LAPTM4B: variants seen among roughly 807,000 people sequenced by gnomAD.
LAPTM4B encodes lysosomal protein transmembrane 4 beta, also known as lysosomal-associated transmembrane protein 4B.
A neutral mutation model predicts 28.5 loss-of-function variants in LAPTM4B; 26 were observed. The observed-to-expected ratio is 0.91, with a 90% CI of 0.67 to 1.27. LAPTM4B has a LOEUF of 1.27. LAPTM4B is among the 50% of genes most tolerant of loss of function. The probability of loss-of-function intolerance (pLI) is 0.00; values close to 1 mark genes in which losing one functional copy is unlikely to be tolerated. For missense variants in LAPTM4B, 288 were observed against 285.8 expected (o/e 1.01, Z -0.06); for synonymous variants, 109 against 106.4 (o/e 1.02, Z -0.15).
intron 2 of LAPTM4B, among the ~76,000 whole-genome samples, chr8:97,808,350 G>A (rs2129776862): frequency 6.6e-6 from 1 of 152,148 alleles, no homozygotes; most frequent in South Asian, 2.1e-4. Flanking sequence ...AGGAGGCTGA[G>A]GCAGGAGAAT....
chr8:97,850,013 C>T (rs72673498), intron 6 of LAPTM4B, among the ~76,000 whole-genome samples: 33,086 of 151,624 alleles, frequency 0.22, 4,062 homozygotes, highest in Middle Eastern at 0.27. Context: ...AGCGGGAAGC[C>T]TCTCCACTGT....
At chr8:97,804,010 A>ATCT in intron 1 of LAPTM4B, among the ~76,000 whole-genome samples, 1 of 152,248 alleles carries the variant, frequency 6.6e-6, no homozygotes, top group East Asian at 1.9e-4. Context: ...TTCTCTGTGT[A>ATCT]TCTTCACTCC....
chr8:97,848,899 A>G (rs1331141058), intron 6 of LAPTM4B, among the ~76,000 whole-genome samples: 1 of 152,180 alleles, frequency 6.6e-6, no homozygotes, highest in Non-Finnish European at 1.5e-5. Flanking sequence ...CGCAGAGAAG[A>G]CAGCTGTTGC....
At chr8:97,836,926 T>C (rs1817268029) in intron 6 of LAPTM4B, among the ~76,000 whole-genome samples, 1 of 151,584 alleles carries the variant, frequency 6.6e-6, no homozygotes, top group Non-Finnish European at 1.5e-5. Flanking sequence ...TTTCAGAAAA[T>C]AAGTATAAAG....
intron 2 of LAPTM4B, 119 bp from the exon 3 acceptor site, chr8:97,815,204 ATAAAG>A (rs1371828878): frequency 1.1e-5 from 8 of 712,608 alleles, no homozygotes; most frequent in East Asian, 2.7e-5. Context: ...ATCTCTTAGT[ATAAAG>A]TATTTACTAA....
chr8:97,813,555 G>A (rs544719036), intron 2 of LAPTM4B, among the ~76,000 whole-genome samples: 35 of 152,352 alleles, frequency 2.3e-4, no homozygotes, highest in Admixed American at 1.7e-3. Flanking sequence ...GTCCAGTCAA[G>A]TTGACACTCC....
intron 6 of LAPTM4B, among the ~76,000 whole-genome samples, chr8:97,839,039 G>T (rs1817304238): frequency 6.6e-6 from 1 of 152,130 alleles, no homozygotes; most frequent in Non-Finnish European, 1.5e-5. Flanking sequence ...CAATATCAAA[G>T]CATCATGGGT....
rs1817522804 is a variant in LAPTM4B at position 97,851,461 on chromosome 8, A to G, written c.668A>G (p.Tyr223Cys). The G allele has an allele frequency of 6.2e-7, 1 of 1,613,976 alleles. No homozygotes were observed. Among genetic ancestry groups the G allele is most frequent in the African/African-American group, 1.3e-5 (1 of 75,030 alleles). Residue 223 changes from tyrosine to cysteine, a missense_variant, in exon 7 of 7, where the codon TAC becomes TGC. Transcript: ENST00000521545. ...NGAAKEPPPP[Y>C]VSA ...GCTGCCAAGGAGCCACCGCCACCTT[A>G]CGTGTCTGCCTAAGCCTTCAAGTGG...
chr8:97,836,923 A>G (rs1817267944), intron 6 of LAPTM4B, among the ~76,000 whole-genome samples: 1 of 151,882 alleles, frequency 6.6e-6, no homozygotes, highest in African/African-American at 2.4e-5. Context: ...TGGTTTCAGA[A>G]AATAAGTATA....
At chr8:97,811,475 G>T (rs938452936) in intron 2 of LAPTM4B, among the ~76,000 whole-genome samples, 1 of 152,202 alleles carries the variant, frequency 6.6e-6, no homozygotes, top group Non-Finnish European at 1.5e-5. Flanking sequence ...TAACTGTACT[G>T]TGTGTATGCT....
chr8:97,831,014 T>C (rs1193642871), intron 6 of LAPTM4B, among the ~76,000 whole-genome samples: 1 of 152,086 alleles, frequency 6.6e-6, no homozygotes, highest in East Asian at 1.9e-4. Context: ...TGGCTCAAAT[T>C]TGGAGGAGAG....
chr8:97,799,604 G>A lies in LAPTM4B; in HGVS notation c.100-5749G>A, dbSNP rs929912332. On this transcript the variant is annotated intron_variant, in intron 1 of 6. Coordinates refer to ENST00000521545, the MANE Select transcript of LAPTM4B (RefSeq NM_018407.6). ...AGGAGCTCAATCTGCAACAATGGCC[G>A]CCTATAATTTTTATTTGACACCAGA... 5.3e-5 allele frequency among the ~76,000 whole-genome samples: 8 copies of A among 152,224 alleles called. No homozygotes were observed. The East Asian group carries it at 7.7e-4, about 15-fold the overall frequency.
chr8:97,811,603 A>C (rs1816828209), intron 2 of LAPTM4B, among the ~76,000 whole-genome samples: 1 of 152,146 alleles, frequency 6.6e-6, no homozygotes, highest in South Asian at 2.1e-4. Flanking sequence ...TCTCAACATC[A>C]CAAACTAAGG....
At position 97,814,543 on chromosome 8, in the gene LAPTM4B, A is replaced by G. The variant is rs114667355; in HGVS notation, c.212-785A>G. On this transcript the variant is annotated intron_variant, in intron 2 of 6. Coordinates refer to ENST00000521545, the MANE Select transcript of LAPTM4B (RefSeq NM_018407.6). ...TGTCTCAAAAAAATAAAAAGAAAAA[A>G]GAAAAAATAAATAAAATAGAATGAA... is the stretch of plus-strand genomic sequence containing the variant. Among the ~76,000 whole-genome samples, 923 of 152,168 alleles carry G rather than the reference A, an allele frequency of 6.1e-3. 7 individuals carry two copies. The highest frequency in any genetic ancestry group is 0.021 in the African/African-American group (870 of 41,500).
chr8:97,827,468 A>G (rs971965542), intron 6 of LAPTM4B, among the ~76,000 whole-genome samples: 1 of 152,202 alleles, frequency 6.6e-6, no homozygotes, highest in African/African-American at 2.4e-5. Flanking sequence ...CTTCATCTGT[A>G]TCCCTTGTAT....
intron 1 of LAPTM4B, among the ~76,000 whole-genome samples, chr8:97,794,802 C>T (rs1334422992): frequency 6.6e-6 from 1 of 152,202 alleles, no homozygotes; most frequent in Non-Finnish European, 1.5e-5. Flanking sequence ...CAACCTCCAC[C>T]TCCCATGTTC....
chr8:97,820,342 G>A (rs1336459991), intron 5 of LAPTM4B, among the ~76,000 whole-genome samples: 4 of 127,204 alleles, frequency 3.1e-5, no homozygotes, highest in African/African-American at 1.2e-4. Context: ...TCTCCCTGTA[G>A]TCTAGGCTGC....
At chr8:97,784,457 T>C (rs950792910) in intron 1 of LAPTM4B, among the ~76,000 whole-genome samples, 1 of 151,998 alleles carries the variant, frequency 6.6e-6, no homozygotes, top group African/African-American at 2.4e-5. Flanking sequence ...TTTTGTTTTT[T>C]GAGACGGAGT....
intron 1 of LAPTM4B, among the ~76,000 whole-genome samples, chr8:97,801,864 A>C (rs996059164): frequency 1.4e-5 from 2 of 143,840 alleles, no homozygotes; most frequent in African/African-American, 5.1e-5. Flanking sequence ...AAAAAAAAGT[A>C]TAGAGGGATT....
Sources: allele counts gnomAD v4.1 joint callset (sites outside exome capture counted in the v4.1 genomes callset), GRCh38; gene constraint gnomAD v4.1.1; transcripts MANE v1.5; gene names NCBI Gene and HGNC (gene_info 2026-07-23, HGNC 2026-07-21).